Variants in C4orf50 observed in about 807,000 individuals in gnomAD.
C4orf50 encodes the protein uncharacterized protein C4orf50.
C4orf50 carries 80 observed loss-of-function variants against 77.2 expected under a neutral mutation model. That is an observed-to-expected ratio of 1.04 (90% CI 0.87 to 1.25). The LOEUF (loss-of-function observed/expected upper bound fraction) is 1.25, where lower values mean the gene tolerates loss of function less well. C4orf50 is among the 50% of genes most tolerant of loss of function. The pLI is 0.00. For synonymous variants in C4orf50, 532 were observed against 465.3 expected, an observed-to-expected ratio of 1.14 and a Z score of -1.84; for missense variants, 1,257 against 1,152.9, an observed-to-expected ratio of 1.09 and a Z score of -1.31.
chr4:5,989,205 A>C (rs986761264), exon 28 of C4orf50: 2 of 1,535,654 alleles, frequency 1.3e-6, no homozygotes, highest in African/African-American at 2.7e-5. Flanking sequence ...GGTCTCCGTG[A>C]AGTTTGGTGT....
chr4:5,990,343 A>G (rs1721194451), exon 28 of C4orf50: 1 of 679,866 alleles, frequency 1.5e-6, no homozygotes, highest in Admixed American at 4.3e-5. Flanking sequence ...CTTCCTGCCC[A>G]AAGTCCCCCT....
At chr4:5,975,146 A>ACAAC (rs1560575561) in intron 30 of C4orf50, among the ~76,000 whole-genome samples, 2 of 26,550 alleles carry the variant, frequency 7.5e-5, no homozygotes, top group African/African-American at 3.2e-4. Context: ...TCTCAAAAAA[A>ACAAC]AAAAAAAAAA....
chr4:5,910,876 A>G (rs1048569496), intron 7 of C4orf50, among the ~76,000 whole-genome samples: 2 of 147,886 alleles, frequency 1.4e-5, no homozygotes, highest in African/African-American at 2.5e-5. Flanking sequence ...CAGATGTTTC[A>G]TCAGAGCCAA....
chr4:5,928,375 C>T (rs867775855), intron 7 of C4orf50, among the ~76,000 whole-genome samples: 2 of 147,132 alleles, frequency 1.4e-5, no homozygotes, highest in Non-Finnish European at 3.0e-5. Context: ...CACACACACA[C>T]ACATACACAC....
rs536972571 is a variant in C4orf50, at chr4:6,017,280, A to G, written c.287+865T>C. 6.6e-6 allele frequency among the ~76,000 whole-genome samples: 1 copy of G among 152,378 alleles called. No homozygotes were observed. Among genetic ancestry groups the G allele is most frequent in the East Asian group, 1.9e-4 (1 of 5,184 alleles). Reference sequence around the variant, plus strand: ...TCTGCCCCTGGGGCTGGACAGCCACACAGGGAAGAGACGATGTTACCAGGG... The same window carrying G: ...TCTGCCCCTGGGGCTGGACAGCCACGCAGGGAAGAGACGATGTTACCAGGG... On this transcript the variant is annotated intron_variant, in intron 23 of 33. Coordinates refer to ENST00000531445, the Ensembl canonical transcript of C4orf50. The surrounding 1 kb of genome is among the most constrained non-coding windows in gnomAD (Gnocchi z 4.7).
At chr4:6,012,025 G>C in intron 23 of C4orf50, 57 bp from the exon 2 acceptor site, 1 of 398,886 alleles carries the variant, frequency 2.5e-6, no homozygotes, top group Non-Finnish European at 4.4e-6. Flanking sequence ...ATGGCCTAGG[G>C]CTTTTGCAGA....
chr4:5,929,947 A>C (rs1717692208), intron 7 of C4orf50, among the ~76,000 whole-genome samples: 1 of 152,242 alleles, frequency 6.6e-6, no homozygotes, highest in Non-Finnish European at 1.5e-5. Flanking sequence ...TAGAGATGCC[A>C]AGTTAGAGGT....
chr4:5,976,611 A>C (rs1577956732), intron 29 of C4orf50, among the ~76,000 whole-genome samples: 1 of 152,248 alleles, frequency 6.6e-6, no homozygotes, highest in Middle Eastern at 3.4e-3. Flanking sequence ...CAGGGGTCCT[A>C]ATCCCGGCTC....
intron 28 of C4orf50, 112 bp downstream of exon 6, chr4:5,988,235 G>A (rs1720986456): frequency 3.7e-6 from 5 of 1,368,428 alleles, no homozygotes; most frequent in Non-Finnish European, 5.0e-6. Flanking sequence ...GGTAAGTGGG[G>A]AGGATGATTG....
chr4:6,003,412 G>A (rs185895264), intron 25 of C4orf50, among the ~76,000 whole-genome samples: 1 of 152,132 alleles, frequency 6.6e-6, no homozygotes, highest in East Asian at 1.9e-4. Flanking sequence ...AGGAAGAGAT[G>A]AGGAGGAGGG....
chr4:5,999,445 G>A (rs927146508), intron 25 of C4orf50, among the ~76,000 whole-genome samples: 2 of 152,164 alleles, frequency 1.3e-5, no homozygotes, highest in East Asian at 1.9e-4. Context: ...GTCGGCTTTC[G>A]TGATGATTTT....
At chr4:5,957,783 G>A (rs1312178345) in exon 34 of C4orf50, 2 of 152,308 alleles carry the variant, frequency 1.3e-5, no homozygotes, top group East Asian at 1.9e-4. Context: ...TTTAAAGGGT[G>A]GAACTCAATG....
intron 7 of C4orf50, among the ~76,000 whole-genome samples, chr4:5,931,605 C>A (rs1225756833): frequency 6.6e-6 from 1 of 152,150 alleles, no homozygotes; most frequent in Non-Finnish European, 1.5e-5. Context: ...AACACAGGCT[C>A]TGCGCGGCTG....
chr4:6,008,903 G>A lies in C4orf50; in HGVS notation c.427-371C>T, dbSNP rs929246778. Among the ~76,000 whole-genome samples the A allele has an allele frequency of 6.6e-6, 1 of 152,148 alleles. No homozygotes were observed. The highest frequency in any genetic ancestry group is 2.4e-5 in the African/African-American group (1 of 41,446). ...CCTGAGTGCACACAGCTGCTCCAGA[G>A]CCTCCCAGGTGTCCCCACTTCCACC... On this transcript the variant is annotated intron_variant, in intron 24 of 33. Transcript: ENST00000531445. The surrounding 1 kb of genome is among the most constrained non-coding windows in gnomAD (Gnocchi z 6.0).
chr4:5,989,862 T>C (rs1721155573), exon 28 of C4orf50: 2 of 1,458,978 alleles, frequency 1.4e-6, no homozygotes, highest in Non-Finnish European at 1.8e-6. Flanking sequence ...TCTCATCCTC[T>C]TCCTCTAGCC....
intron 7 of C4orf50, among the ~76,000 whole-genome samples, chr4:5,939,741 C>A (rs746562776): frequency 2.4e-4 from 37 of 152,168 alleles, no homozygotes; most frequent in Middle Eastern, 3.2e-3. Context: ...CTGAACCAGG[C>A]CTGGATCCTC....
exon 28 of C4orf50, chr4:5,989,395 G>T: frequency 2.0e-6 from 3 of 1,536,112 alleles, no homozygotes; most frequent in South Asian, 1.2e-5. Flanking sequence ...GCCCAGGGCC[G>T]TGGTCTTTCC....
intron 33 of C4orf50, among the ~76,000 whole-genome samples, chr4:5,962,265 A>C (rs1396536335): frequency 6.6e-6 from 1 of 152,236 alleles, no homozygotes; most frequent in Non-Finnish European, 1.5e-5. Context: ...GCTGCAAAGA[A>C]ACTGAAGTCC....
chr4:5,910,068 G>A (rs1184022656), intron 7 of C4orf50, among the ~76,000 whole-genome samples: 1 of 152,072 alleles, frequency 6.6e-6, no homozygotes, highest in African/African-American at 2.4e-5. Context: ...GATAGGGACG[G>A]CATTGAATCT....
Sources: gnomAD v4.1 joint callset for allele counts (sites outside exome capture counted in the v4.1 genomes callset) on GRCh38, gnomAD v4.1.1 for gene constraint, Gnocchi (gnomAD v3.1) non-coding constraint, MANE v1.5 for transcripts, NCBI Gene and HGNC (gene_info 2026-07-23, HGNC 2026-07-21) for gene names.